The following COBL variants were observed in gnomAD, a reference collection of about 807,000 sequenced individuals.
COBL encodes the protein protein cordon-bleu.
In COBL, 51 loss-of-function variants were observed where a neutral mutation model predicts 98.8. The ratio of observed to expected loss-of-function variants is 0.52; its 90% CI spans 0.41 to 0.65. The LOEUF (loss-of-function observed/expected upper bound fraction) is 0.65. Among genes scored for constraint, COBL ranks in the 30% least tolerant of loss-of-function variants. The pLI, the probability that COBL is intolerant of heterozygous loss-of-function variation, is 0.00. For missense variants in COBL, 1,617 were observed against 1,617.5 expected, an observed-to-expected ratio of 1.00 and a Z score of 0.01; for synonymous variants, 634 against 651.7, an observed-to-expected ratio of 0.97 and a Z score of 0.41.
At chr7:51,054,439 G>A (rs1036562647) in intron 7 of COBL, among the ~76,000 whole-genome samples, 2 of 152,164 alleles carry the variant, frequency 1.3e-5, no homozygotes, top group African/African-American at 4.8e-5. Context: ...GGCCTTCCTC[G>A]TATGTGTGCT....
At chr7:51,299,576 C>A (rs1801730749) in intron 1 of COBL, among the ~76,000 whole-genome samples, 1 of 152,110 alleles carries the variant, frequency 6.6e-6, no homozygotes, top group Non-Finnish European at 1.5e-5. Flanking sequence ...GGTGCTGCAG[C>A]CCTGGGCCCA....
At chr7:51,017,590 A>T in intron 12 of COBL, 22 bp from the exon 13 acceptor site, 1 of 1,613,708 alleles carries the variant, frequency 6.2e-7, no homozygotes, top group South Asian at 1.1e-5. Flanking sequence ...AGAGATTCAC[A>T]GTTATTTGGT....
At chr7:51,061,225 T>C (rs1194402607) in intron 7 of COBL, among the ~76,000 whole-genome samples, 2 of 152,166 alleles carry the variant, frequency 1.3e-5, no homozygotes, top group Non-Finnish European at 2.9e-5. Context: ...TTGTTAAGAA[T>C]ATGTTTGTGT....
At chr7:51,284,129 C>CAAAAA (rs71021763) in intron 1 of COBL, among the ~76,000 whole-genome samples, 15 of 66,238 alleles carry the variant, frequency 2.3e-4, no homozygotes, top group African/African-American at 3.9e-4. Context: ...ACCAAAAATA[C>CAAAAA]AAAAAAAAAA....
At chr7:51,257,929 T>C (rs1797351833) in intron 1 of COBL, among the ~76,000 whole-genome samples, 1 of 152,202 alleles carries the variant, frequency 6.6e-6, no homozygotes, top group African/African-American at 2.4e-5. Context: ...GGAAATGTTT[T>C]GATTAATGAA....
intron 1 of COBL, among the ~76,000 whole-genome samples, chr7:51,283,059 C>T (rs908013060): frequency 2.0e-5 from 3 of 151,972 alleles, no homozygotes; most frequent in Non-Finnish European, 4.4e-5. Flanking sequence ...GCATTAACTG[C>T]GTATATAAGA....
intron 11 of COBL, among the ~76,000 whole-genome samples, chr7:51,025,847 T>G (rs1003309172): frequency 6.6e-6 from 1 of 152,124 alleles, no homozygotes; most frequent in Non-Finnish European, 1.5e-5. Flanking sequence ...CCCAGGAAGT[T>G]TGTCCACTCC....
chr7:51,304,761 C>T (rs989724645), intron 1 of COBL, among the ~76,000 whole-genome samples: 1 of 152,180 alleles, frequency 6.6e-6, no homozygotes, highest in South Asian at 2.1e-4. Context: ...TAGGAACTGT[C>T]CTGTGACAGG....
intron 7 of COBL, among the ~76,000 whole-genome samples, chr7:51,045,117 C>A (rs1211903174): frequency 6.6e-6 from 1 of 152,212 alleles, no homozygotes; most frequent in East Asian, 1.9e-4. Context: ...AGAAACGTCG[C>A]TGTAGCTCCC....
chr7:51,130,442 C>G (rs1444807981), intron 6 of COBL, among the ~76,000 whole-genome samples: 1 of 152,198 alleles, frequency 6.6e-6, no homozygotes, highest in African/African-American at 2.4e-5. Flanking sequence ...AGACTTCACT[C>G]CAGGAGAAGG....
intron 5 of COBL, among the ~76,000 whole-genome samples, chr7:51,146,041 G>C (rs910230515): frequency 1.3e-5 from 2 of 152,154 alleles, no homozygotes; most frequent in Non-Finnish European, 2.9e-5. Context: ...TTAAGGAACA[G>C]TGCCTTAGAG....
intron 8 of COBL, among the ~76,000 whole-genome samples, chr7:51,041,427 G>A (rs909309255): frequency 5.3e-5 from 8 of 150,340 alleles, no homozygotes; most frequent in Non-Finnish European, 8.9e-5. Context: ...CATTCATTTT[G>A]GTGACTGGCT....
At chr7:51,126,871 AC>A (rs1401233680) in intron 6 of COBL, among the ~76,000 whole-genome samples, 1 of 152,066 alleles carries the variant, frequency 6.6e-6, no homozygotes, top group Non-Finnish European at 1.5e-5. Context: ...CTTCAGTGTC[AC>A]CAGAGACCTC....
rs548607397 is a variant in COBL, at chr7:51,187,859, A to C, written c.685+2991T>G. On this transcript the variant is annotated intron_variant, in intron 4 of 12. Coordinates refer to ENST00000265136, the MANE Select transcript of COBL (RefSeq NM_015198.5). The stretch of plus-strand genomic sequence containing the variant: ...CACCTCTGTGCAGCTCTGACCCCAG[A>C]GCCATGCATAGTGCAGCCTCACAGC... The C allele has an allele frequency of 3.3e-6, 4 of 1,198,782 alleles. No individual in the cohort carries two copies. In the Admixed American group the frequency reaches 1.7e-4, roughly 51 times the overall value. The allele number at this position is 1,198,782 out of a possible 1,614,324, so 74.3% of individuals were successfully genotyped here. A position where few individuals can be genotyped will look rare whatever the true frequency, so the allele number is the denominator to read the frequency against.
intron 6 of COBL, among the ~76,000 whole-genome samples, chr7:51,103,309 G>C (rs1042029946): frequency 2.0e-5 from 3 of 152,198 alleles, no homozygotes; most frequent in Admixed American, 6.5e-5. Context: ...GAGAAAGAGA[G>C]AGAATTGGTT....
intron 5 of COBL, among the ~76,000 whole-genome samples, chr7:51,144,438 A>G (rs1583947221): frequency 6.6e-6 from 1 of 152,184 alleles, no homozygotes; most frequent in African/African-American, 2.4e-5. Context: ...AGCTTTAATG[A>G]TGCACACACC....
chr7:51,287,646 GA>G (rs1800495108), intron 1 of COBL, among the ~76,000 whole-genome samples: 1 of 152,092 alleles, frequency 6.6e-6, no homozygotes, highest in Non-Finnish European at 1.5e-5. Context: ...TTACCCTAAA[GA>G]AATGAAACTG....
intron 1 of COBL, among the ~76,000 whole-genome samples, chr7:51,265,964 C>T (rs186226148): frequency 2.0e-4 from 30 of 152,206 alleles, no homozygotes; most frequent in African/African-American, 6.5e-4. Context: ...CGTTTCCCTA[C>T]CATTTTTTTT....
At chr7:51,053,352 G>A (rs1191639498) in intron 7 of COBL, among the ~76,000 whole-genome samples, 1 of 152,150 alleles carries the variant, frequency 6.6e-6, no homozygotes, top group Non-Finnish European at 1.5e-5. Context: ...CATCTTCTGG[G>A]CAAGCTGTGT....
Sources: gnomAD v4.1 joint callset for allele counts (sites outside exome capture counted in the v4.1 genomes callset) on GRCh38, gnomAD v4.1.1 for gene constraint, MANE v1.5 for transcripts, NCBI Gene and HGNC (gene_info 2026-07-23, HGNC 2026-07-21) for gene names.